NR2F1-AS1: variants seen among roughly 807,000 people sequenced by gnomAD.
NR2F1-AS1 encodes NR2F1 regulatory antisense RNA 1.
At chr5:93,524,207 C>A (rs1751563841) in intron 4 of NR2F1-AS1, among the ~76,000 whole-genome samples, 1 of 151,586 alleles carries the variant, frequency 6.6e-6, no homozygotes. Flanking sequence ...CTTCGTGAAG[C>A]ATACACAAGC....
chr5:93,452,507 G>C (rs967898874), intron 4 of NR2F1-AS1, among the ~76,000 whole-genome samples: 1 of 152,124 alleles, frequency 6.6e-6, no homozygotes. Flanking sequence ...AATTTGTGGA[G>C]ATTATCAGAC....
intron 4 of NR2F1-AS1, among the ~76,000 whole-genome samples, chr5:93,421,222 C>T (rs1749081353): frequency 6.6e-6 from 1 of 152,100 alleles, no homozygotes; most frequent in Admixed American, 6.5e-5. Flanking sequence ...AAGTCTGGCT[C>T]CATACTTTTA....
chr5:93,498,065 T>C (rs1751001893), intron 4 of NR2F1-AS1, among the ~76,000 whole-genome samples: 1 of 152,150 alleles, frequency 6.6e-6, no homozygotes, highest in Admixed American at 6.6e-5. Flanking sequence ...GGCTCATGCC[T>C]GTAATCCCAG....
chr5:93,444,463 ATAATTG>A (rs536637037), intron 4 of NR2F1-AS1, among the ~76,000 whole-genome samples: 26 of 152,330 alleles, frequency 1.7e-4, no homozygotes, highest in Non-Finnish European at 3.5e-4. Flanking sequence ...AGGCCATTAT[ATAATTG>A]TAAAGGGATC....
chr5:93,511,989 ATAATAAATGAC>A (rs554442260), intron 4 of NR2F1-AS1, among the ~76,000 whole-genome samples: 52 of 152,310 alleles, frequency 3.4e-4, no homozygotes, highest in African/African-American at 1.2e-3. Flanking sequence ...CTTGATAATG[ATAATAAATGAC>A]TATGTTACTG....
chr5:93,568,366 C>T (rs542693193), intron 1 of NR2F1-AS1, among the ~76,000 whole-genome samples: 188 of 152,234 alleles, frequency 1.2e-3, no homozygotes, highest in African/African-American at 3.9e-3. Flanking sequence ...ATTTGTGCTT[C>T]TGTAGAAAGT....
At chr5:93,580,972 C>T (rs1753013763), upstream of NR2F1-AS1, 1 of 152,304 alleles carries the variant, frequency 6.6e-6, no homozygotes, top group Admixed American at 6.5e-5. Flanking sequence ...ACGGGAAAAC[C>T]TTTTATTCTG....
At chr5:93,553,404 A>C (rs1752278317) in intron 4 of NR2F1-AS1, among the ~76,000 whole-genome samples, 1 of 152,140 alleles carries the variant, frequency 6.6e-6, no homozygotes, top group Non-Finnish European at 1.5e-5. Context: ...ATATTTTTAA[A>C]ATAAGTATAC....
At chr5:93,422,470 C>A (rs1359955507) in intron 4 of NR2F1-AS1, 1 of 152,166 alleles carries the variant, frequency 6.6e-6, no homozygotes, top group Non-Finnish European at 1.5e-5. Flanking sequence ...AGGCAGAGAG[C>A]AAAGACAGCA....
chr5:93,571,788 CTT>C (rs150977165), intron 1 of NR2F1-AS1, among the ~76,000 whole-genome samples: 3,243 of 150,604 alleles, frequency 0.022, 105 homozygotes, highest in African/African-American at 0.074. Flanking sequence ...AAACAAGAGA[CTT>C]GCAAAACCTG....
At chr5:93,469,107 C>G (rs945832460) in intron 4 of NR2F1-AS1, among the ~76,000 whole-genome samples, 2 of 152,058 alleles carry the variant, frequency 1.3e-5, no homozygotes, top group Non-Finnish European at 1.5e-5. Context: ...TTGATACTCT[C>G]TAAATTATAG....
intron 4 of NR2F1-AS1, among the ~76,000 whole-genome samples, chr5:93,469,127 T>C (rs1003050547): frequency 1.3e-5 from 2 of 152,092 alleles, no homozygotes; most frequent in Non-Finnish European, 2.9e-5. Context: ...GTCATTTGAG[T>C]TGCTTAATGA....
intron 1 of NR2F1-AS1, among the ~76,000 whole-genome samples, chr5:93,572,238 C>G (rs1416563122): frequency 1.3e-5 from 2 of 152,234 alleles, no homozygotes; most frequent in Non-Finnish European, 2.9e-5. Flanking sequence ...TGCCTCTGTC[C>G]TGGCGCTGGG....
At chr5:93,469,878 T>C (rs1750329974) in intron 4 of NR2F1-AS1, among the ~76,000 whole-genome samples, 1 of 152,052 alleles carries the variant, frequency 6.6e-6, no homozygotes, top group Middle Eastern at 3.2e-3. Flanking sequence ...TCATTAAAGC[T>C]ATGCCTTCAG....
chr5:93,580,039 A>T (rs925275481), intron 1 of NR2F1-AS1, among the ~76,000 whole-genome samples: 15 of 152,236 alleles, frequency 9.9e-5, no homozygotes, highest in African/African-American at 3.4e-4. Flanking sequence ...CACAAGGGCC[A>T]GCCGGGCCGG....
intron 4 of NR2F1-AS1, among the ~76,000 whole-genome samples, chr5:93,413,861 A>G (rs934831456): frequency 2.0e-5 from 3 of 152,024 alleles, no homozygotes; most frequent in Admixed American, 2.0e-4. Context: ...CTCATTCAAA[A>G]CCTTAATTTT....
At chr5:93,582,954 G>T (rs575472338), upstream of NR2F1-AS1, among the ~76,000 whole-genome samples, 5 of 152,172 alleles carry the variant, frequency 3.3e-5, no homozygotes, top group East Asian at 1.9e-4. Flanking sequence ...TAAGCGGGGG[G>T]GGGAGAAAGA....
At chr5:93,437,259 G>A (rs913324126) in intron 4 of NR2F1-AS1, among the ~76,000 whole-genome samples, 7 of 151,894 alleles carry the variant, frequency 4.6e-5, no homozygotes, top group Non-Finnish European at 8.8e-5. Context: ...GAGATAAGCC[G>A]TAAATGTAAG....
At chr5:93,561,532 G>A (rs1752487207) in intron 2 of NR2F1-AS1, among the ~76,000 whole-genome samples, 1 of 152,048 alleles carries the variant, frequency 6.6e-6, no homozygotes, top group African/African-American at 2.4e-5. Context: ...CAGCACTTTG[G>A]GAGGCCAAAG....
Sources: allele counts gnomAD v4.1 joint callset (sites outside exome capture counted in the v4.1 genomes callset), GRCh38; gene constraint gnomAD v4.1.1; transcripts MANE v1.5; gene names NCBI Gene and HGNC (gene_info 2026-07-23, HGNC 2026-07-21).